The following URM1 variants were observed in gnomAD, a reference collection of about 807,000 sequenced individuals.
The protein encoded by URM1 is ubiquitin related modifier 1.
URM1 carries 11 observed loss-of-function variants against 17.7 expected under a neutral mutation model. The observed-to-expected ratio is 0.62, with a 90% confidence interval of 0.39 to 1.03. The LOEUF is 1.03. Among genes scored for constraint, URM1 ranks in the 50% least tolerant of loss-of-function variants. The pLI, the probability that URM1 is intolerant of heterozygous loss-of-function variation, is 0.00. For missense variants in URM1, 128 were observed against 129.2 expected (o/e 0.99, Z 0.04); for synonymous variants, 48 against 50.6 (o/e 0.95, Z 0.22).
chr9:128,372,632 A>G (rs1412385777), intron 1 of URM1, among the ~76,000 whole-genome samples: 1 of 152,070 alleles, frequency 6.6e-6, no homozygotes, highest in African/African-American at 2.4e-5. Flanking sequence ...ATCCAATTAG[A>G]ACTGTATTGG....
chr9:128,371,405 G>C lies in URM1; in HGVS notation c.25G>C (p.Val9Leu). 6.2e-7 allele frequency: 1 copy of C among 1,612,968 alleles called. No homozygotes were observed. Among genetic ancestry groups the C allele is most frequent in the East Asian group, 2.2e-5 (1 of 44,716 alleles). MAAPLSVE[V>L]EFGGGAELLF... ...CATGGCTGCGCCCTTGTCAGTGGAG[G>C]TGGAGTTCGGGTGAGTCACAGAGCT... Residue 9 changes from valine (V) to leucine (L), a missense_variant, in exon 1 of 5, where the codon GTG (valine) becomes CTG (leucine). Coordinates refer to ENST00000372853, the MANE Select transcript of URM1 (RefSeq NM_030914.4).
chr9:128,374,171 G>T (rs1391314380), intron 1 of URM1, among the ~76,000 whole-genome samples: 1 of 152,144 alleles, frequency 6.6e-6, no homozygotes, highest in Non-Finnish European at 1.5e-5. Context: ...TCTTGAGGCT[G>T]GGCATGCACC....
intron 3 of URM1, chr9:128,389,043 T>C: frequency 7.4e-7 from 1 of 1,355,196 alleles, no homozygotes; most frequent in South Asian, 2.1e-5. Context: ...GGCTGGCATT[T>C]GCACCCATTT....
chr9:128,389,829 C>T lies in URM1; in HGVS notation c.*95C>T. On this transcript the variant is annotated 3_prime_UTR_variant, in exon 5 of 5. Transcript: ENST00000372853. ...CTTCCAGGTCTCCCTGTCCCCCTTG[C>T]CTGCCTTCTTCCCTGCTCTGTCCCC... The T allele has an allele frequency of 6.5e-7, 1 of 1,540,150 alleles. No homozygotes were observed. Among genetic ancestry groups the T allele is most frequent in the Non-Finnish European group, 8.9e-7 (1 of 1,129,224 alleles).
rs1833250682 is a variant in URM1, at chr9:128,387,980, C to T, written c.188+83C>T. 5 of 1,567,946 alleles carry T rather than the reference C, an allele frequency of 3.2e-6. No individual in the cohort carries two copies. In the Admixed American group the frequency reaches 5.4e-5, roughly 17 times the overall value. ...CCCCACCCTCGGGTTCAGTCCTGGC[C>T]TTCTCTGAATCCGGTTCTCCCCTTC... On this transcript the variant is annotated intron_variant, in intron 3 of 4. Transcript: ENST00000372853. This position sits in a 1 kb window ranked among gnomAD's most constrained non-coding sequence, Gnocchi z 4.3.
At chr9:128,386,661 CAG>C (rs1156519503) in intron 2 of URM1, among the ~76,000 whole-genome samples, 1 of 152,252 alleles carries the variant, frequency 6.6e-6, no homozygotes, top group Non-Finnish European at 1.5e-5. Flanking sequence ...TGGGCCCAGA[CAG>C]GGCAGAGCAA....
intron 2 of URM1, among the ~76,000 whole-genome samples, chr9:128,381,497 G>A (rs1472549837): frequency 6.6e-6 from 1 of 152,160 alleles, no homozygotes; most frequent in African/African-American, 2.4e-5. Context: ...TGGAGTTAGA[G>A]ACCAGCCAGG....
upstream of URM1, chr9:128,371,365 G>C: frequency 6.2e-7 from 1 of 1,613,066 alleles, no homozygotes; most frequent in South Asian, 1.1e-5. Context: ...TTTCCTGCGA[G>C]CTCGGCTTCC....
At position 128,391,971 on chromosome 9, in the gene URM1, C is replaced by T. The variant is rs1326418244; in HGVS notation, c.*2237C>T. 1 of 152,360 alleles carries T rather than the reference C, an allele frequency of 6.6e-6. No individual in the cohort carries two copies. The highest frequency in any genetic ancestry group is 1.5e-5 in the Non-Finnish European group (1 of 68,138). The allele number at this position is 152,360 out of a possible 1,614,324, so 9.4% of individuals were successfully genotyped here. Reference sequence around the variant, plus strand: ...GCCCCTCTCCCAAGCAACTCCTGATCCCTGCTTTTGAGGAAATAAACAAAT... The same window carrying T: ...GCCCCTCTCCCAAGCAACTCCTGATTCCTGCTTTTGAGGAAATAAACAAAT... On this transcript the variant is annotated 3_prime_UTR_variant, in exon 5 of 5. Transcript: ENST00000372853.
At position 128,387,439 on chromosome 9, in the gene URM1, C is replaced by T. The variant is rs901311855; in HGVS notation, c.107-377C>T. Among the ~76,000 whole-genome samples, 2 of 152,246 alleles carry T rather than the reference C, an allele frequency of 1.3e-5. No homozygotes were observed. Among genetic ancestry groups the T allele is most frequent in the South Asian group, 2.1e-4 (1 of 4,830 alleles). ...TGGAGGGGGCTCTTCAAGGTCCTCT[C>T]AGAAGTCCAGCCATGGCAGTTGGAG... On this transcript the variant is annotated intron_variant, in intron 2 of 4. Coordinates refer to ENST00000372853, the MANE Select transcript of URM1 (RefSeq NM_030914.4). The surrounding 1 kb of genome is among the most constrained non-coding windows in gnomAD (Gnocchi z 4.3).
chr9:128,389,102 C>G, intron 3 of URM1, 159 bp from the exon 4 acceptor site: 1 of 1,437,880 alleles, frequency 7.0e-7, no homozygotes, highest in Non-Finnish European at 9.1e-7. Flanking sequence ...TTCCTTCACA[C>G]TCAGACCAGC....
At chr9:128,377,314 G>C (rs572541799) in intron 1 of URM1, among the ~76,000 whole-genome samples, 1 of 152,258 alleles carries the variant, frequency 6.6e-6, no homozygotes, top group East Asian at 1.9e-4. Context: ...ATTGCTTTAG[G>C]CCAGGAGTTT....
intron 1 of URM1, among the ~76,000 whole-genome samples, chr9:128,372,291 A>G (rs1166899047): frequency 2.0e-5 from 3 of 149,184 alleles, no homozygotes; most frequent in Non-Finnish European, 4.4e-5. Flanking sequence ...TGTGTGGAAT[A>G]GGTAGGTGTG....
intron 1 of URM1, among the ~76,000 whole-genome samples, chr9:128,376,930 G>A (rs188090190): frequency 6.6e-6 from 1 of 152,238 alleles, no homozygotes; most frequent in Admixed American, 6.5e-5. Flanking sequence ...AGCCTGCAGT[G>A]AGCTGTGATT....
At chr9:128,377,794 A>C (rs1021461973) in intron 1 of URM1, among the ~76,000 whole-genome samples, 20 of 152,326 alleles carry the variant, frequency 1.3e-4, no homozygotes, top group African/African-American at 2.9e-4. Context: ...CAGGAGTTCA[A>C]GGTTACAGCG....
intron 2 of URM1, among the ~76,000 whole-genome samples, chr9:128,385,561 A>G (rs1196287043): frequency 1.3e-5 from 2 of 152,080 alleles, no homozygotes; most frequent in African/African-American, 2.4e-5. Flanking sequence ...TCCAGCCCCT[A>G]TCTATCACAG....
chr9:128,371,511 C>A, intron 1 of URM1, 96 bp downstream of exon 1: 1 of 1,320,250 alleles, frequency 7.6e-7, no homozygotes, highest in Non-Finnish European at 1.1e-6. Context: ...GGCCGAATCA[C>A]TGGGTGTCCC....
chr9:128,387,733 T>C lies in URM1; in HGVS notation c.107-83T>C. 6.2e-7 allele frequency: 1 copy of C among 1,601,082 alleles called. No individual in the cohort carries two copies. The highest frequency in any genetic ancestry group is 8.5e-7 in the Non-Finnish European group (1 of 1,172,810). ...AAGCCCTCTAAACACCGTGTGTATTTCCTTGTGGGCCAGGCAAGGCTCTGG... is the reference window on the plus strand; with the variant it reads ...AAGCCCTCTAAACACCGTGTGTATTCCCTTGTGGGCCAGGCAAGGCTCTGG... On this transcript the variant is annotated intron_variant, in intron 2 of 4. Transcript: ENST00000372853. This position sits in a 1 kb window ranked among gnomAD's most constrained non-coding sequence, Gnocchi z 4.3.
chr9:128,390,520 A>G lies in URM1; in HGVS notation c.*786A>G, dbSNP rs1833296864. The G allele has an allele frequency of 7.4e-6, 1 of 134,260 alleles. No homozygotes were observed. Among genetic ancestry groups the G allele is most frequent in the African/African-American group, 3.9e-5 (1 of 25,386 alleles). The allele number at this position is 134,260 out of a possible 1,614,324, so 8.3% of individuals were successfully genotyped here. A position where few individuals can be genotyped will look rare whatever the true frequency, so the allele number is the denominator to read the frequency against. ...TGCGTGTGCCTCAGTTTCCTCCTCC[A>G]CAACTGAATATAGTGGCTGAAAACT... On this transcript the variant is annotated 3_prime_UTR_variant, in exon 5 of 5. Transcript: ENST00000372853.
Sources: gnomAD v4.1 joint callset for allele counts (sites outside exome capture counted in the v4.1 genomes callset) on GRCh38, gnomAD v4.1.1 for gene constraint, Gnocchi (gnomAD v3.1) non-coding constraint, MANE v1.5 for transcripts, NCBI Gene and HGNC (gene_info 2026-07-23, HGNC 2026-07-21) for gene names.